Variants in RNF150 observed in about 807,000 individuals in gnomAD.
The protein encoded by RNF150 is ring finger protein 150.
A neutral mutation model predicts 39.3 loss-of-function variants in RNF150; 24 were observed. The observed-to-expected ratio is 0.61, with a 90% CI of 0.44 to 0.86. The LOEUF (loss-of-function observed/expected upper bound fraction) is 0.86, where lower values mean the gene tolerates loss of function less well. RNF150 is among the 40% of genes least tolerant of loss of function. The pLI is 0.00. For synonymous variants in RNF150, 255 were observed against 227.3 expected, an observed-to-expected ratio of 1.12 and a Z score of -1.10; for missense variants, 502 against 587.8, an observed-to-expected ratio of 0.85 and a Z score of 1.51.
intron 1 of RNF150, among the ~76,000 whole-genome samples, chr4:140,994,900 T>C (rs188230888): frequency 7.7e-4 from 117 of 152,308 alleles, no homozygotes; most frequent in African/African-American, 2.8e-3. Flanking sequence ...TGAGGTATTT[T>C]GATACAAGCA....
At chr4:141,136,024 T>G (rs1241363512), upstream of RNF150, among the ~76,000 whole-genome samples, 1 of 152,158 alleles carries the variant, frequency 6.6e-6, no homozygotes, top group Non-Finnish European at 1.5e-5. Context: ...ACCTTCAAAA[T>G]GAAAAGTTTA....
chr4:141,132,825 C>G lies in RNF150; in HGVS notation c.-17G>C. 1 of 1,602,000 alleles carries G rather than the reference C, an allele frequency of 6.2e-7. No individual in the cohort carries two copies. Among genetic ancestry groups the G allele is most frequent in the East Asian group, 2.3e-5 (1 of 44,366 alleles). ...CATTGCCATCTTTATCCGCCGGGGC[C>G]CCCTCCCCGCCCCCGCGCCCTCCCT... is the stretch of plus-strand genomic sequence containing the variant. On this transcript the variant is annotated 5_prime_UTR_variant, in exon 1 of 7. Coordinates refer to ENST00000515673, the MANE Select transcript of RNF150 (RefSeq NM_020724.2). The surrounding 1 kb of genome is among the most constrained non-coding windows in gnomAD (Gnocchi z 4.9).
At chr4:140,952,322 C>T (rs537127246) in intron 2 of RNF150, among the ~76,000 whole-genome samples, 3 of 152,272 alleles carry the variant, frequency 2.0e-5, no homozygotes, top group South Asian at 2.1e-4. Context: ...AGGGAGCCAA[C>T]ATTTTTAAAA....
intron 2 of RNF150, among the ~76,000 whole-genome samples, chr4:140,964,874 A>C (rs1733174448): frequency 6.6e-6 from 1 of 152,056 alleles, no homozygotes; most frequent in Admixed American, 6.6e-5. Context: ...GATTCATGGT[A>C]TGGTTTAGAG....
chr4:140,868,231 T>C lies in RNF150; in HGVS notation c.*30A>G, dbSNP rs761237242. The stretch of plus-strand genomic sequence containing the variant: ...TCTTCCCTTCCTTTCCCTTGGGTCC[T>C]ACTATCTCTTTGCTTCTGGATTTGT... On this transcript the variant is annotated 3_prime_UTR_variant, in exon 7 of 7. Transcript: ENST00000515673. The C allele has an allele frequency of 7.9e-7, 1 of 1,265,878 alleles. No individual in the cohort carries two copies. The highest frequency in any genetic ancestry group is 1.2e-6 in the Non-Finnish European group (1 of 862,426). 78.4% of individuals were successfully genotyped at this position (1,265,878 alleles called of 1,614,324 possible). A position where few individuals can be genotyped will look rare whatever the true frequency, so the allele number is the denominator to read the frequency against.
intron 1 of RNF150, among the ~76,000 whole-genome samples, chr4:141,118,159 T>C (rs1726490586): frequency 6.6e-6 from 1 of 152,088 alleles, no homozygotes; most frequent in Non-Finnish European, 1.5e-5. Context: ...TCAGACCCGT[T>C]ACATGGCCCC....
chr4:141,141,370 T>C (rs1727114699), intron 1 of RNF150, among the ~76,000 whole-genome samples: 1 of 141,398 alleles, frequency 7.1e-6, no homozygotes, highest in Non-Finnish European at 1.6e-5. Flanking sequence ...TTACTGTTGC[T>C]GCTAGGCTTG....
intron 1 of RNF150, among the ~76,000 whole-genome samples, chr4:141,114,894 C>T (rs1378716876): frequency 1.3e-5 from 2 of 152,276 alleles, no homozygotes; most frequent in African/African-American, 4.8e-5. Flanking sequence ...GACAAAACCA[C>T]ATAATTATCT....
chr4:141,150,782 A>T (rs2111140136), intron 1 of RNF150, among the ~76,000 whole-genome samples: 1 of 152,286 alleles, frequency 6.6e-6, no homozygotes, highest in Middle Eastern at 3.4e-3. Flanking sequence ...AGGAATTTTC[A>T]TCCACATTCT....
chr4:141,152,806 A>G (rs919920132), intron 1 of RNF150, among the ~76,000 whole-genome samples: 29 of 152,330 alleles, frequency 1.9e-4, no homozygotes, highest in African/African-American at 7.0e-4. Flanking sequence ...AGAATACTAA[A>G]TTAGCCTTTG....
chr4:140,948,802 A>AGACAAGTGG (rs1732426778), intron 3 of RNF150, among the ~76,000 whole-genome samples: 5 of 152,204 alleles, frequency 3.3e-5, no homozygotes, highest in Admixed American at 3.3e-4. Flanking sequence ...TTTATACTGT[A>AGACAAGTGG]GACAAGTGGA....
chr4:140,916,717 A>G (rs1360187176), intron 5 of RNF150, among the ~76,000 whole-genome samples: 1 of 152,190 alleles, frequency 6.6e-6, no homozygotes, highest in Non-Finnish European at 1.5e-5. Flanking sequence ...CCTCAAGAAG[A>G]GCAACTCCAA....
chr4:140,919,361 C>A (rs1007481163), intron 5 of RNF150, among the ~76,000 whole-genome samples: 1 of 136,610 alleles, frequency 7.3e-6, no homozygotes, highest in Admixed American at 7.8e-5. Flanking sequence ...AATCAATGTA[C>A]AAACATCACA....
At chr4:140,927,040 T>A (rs998494654) in intron 4 of RNF150, among the ~76,000 whole-genome samples, 2 of 152,240 alleles carry the variant, frequency 1.3e-5, no homozygotes, top group South Asian at 4.1e-4. Context: ...CACTTGCACC[T>A]CCTTTTGTTC....
chr4:141,199,822 T>C (rs956885326), intron 1 of RNF150, among the ~76,000 whole-genome samples: 4 of 152,192 alleles, frequency 2.6e-5, no homozygotes, highest in African/African-American at 9.7e-5. Flanking sequence ...GCATATAAAT[T>C]TTAAAAATGA....
intron 1 of RNF150, among the ~76,000 whole-genome samples, chr4:141,161,958 G>C (rs1727519492): frequency 6.6e-6 from 1 of 152,244 alleles, no homozygotes; most frequent in African/African-American, 2.4e-5. Context: ...ACCTCTACTA[G>C]GGTAATGTGG....
intron 1 of RNF150, among the ~76,000 whole-genome samples, chr4:141,155,011 C>G (rs1387546489): frequency 6.6e-6 from 1 of 152,188 alleles, no homozygotes; most frequent in African/African-American, 2.4e-5. Context: ...TTAGCTCCTT[C>G]TTCATAAACA....
intron 1 of RNF150, among the ~76,000 whole-genome samples, chr4:141,108,746 A>T (rs900197535): frequency 1.3e-5 from 2 of 152,226 alleles, no homozygotes; most frequent in Non-Finnish European, 2.9e-5. Context: ...GAGTCCGTTA[A>T]GGGATTTGCC....
chr4:140,959,482 T>G (rs1007412113), intron 2 of RNF150, among the ~76,000 whole-genome samples: 1 of 152,154 alleles, frequency 6.6e-6, no homozygotes, highest in Non-Finnish European at 1.5e-5. Flanking sequence ...TTCACCTCCC[T>G]GAGCTCTGTG....
Sources: allele counts gnomAD v4.1 joint callset (sites outside exome capture counted in the v4.1 genomes callset), GRCh38; gene constraint gnomAD v4.1.1; non-coding constraint Gnocchi (gnomAD v3.1); transcripts MANE v1.5; gene names NCBI Gene and HGNC (gene_info 2026-07-23, HGNC 2026-07-21).